The following PCDHB13 variants were observed in gnomAD, a reference collection of about 807,000 sequenced individuals.
The protein encoded by PCDHB13 is protocadherin beta 13, also known as protocadherin beta-13.
For missense variants in PCDHB13, 1,065 were observed against 1,016.7 expected (o/e 1.05, Z -0.65); for synonymous variants, 515 against 450.7 (o/e 1.14, Z -1.81).
Position 141,215,982 on chromosome 5 carries a change from A to G in PCDHB13, c.1859A>G (p.His620Arg). 1 of 1,607,216 alleles carries G rather than the reference A, an allele frequency of 6.2e-7. No individual in the cohort carries two copies. Among genetic ancestry groups the G allele is most frequent in the Non-Finnish European group, 8.5e-7 (1 of 1,179,550 alleles). The change falls in exon 1 of 1, where the codon CAC (histidine) becomes CGC (arginine). Residue 620 changes from histidine (H) to arginine (R), a missense_variant. Physicochemically the swap from His to Arg is conservative, Grantham distance 29 (BLOSUM62 0). Transcript: ENST00000341948. Reference protein sequence around the residue: ...TELGLFGVWAHNGEVRTARLL... With the variant: ...TELGLFGVWARNGEVRTARLL... Reference sequence around the variant, plus strand: ...CTCGGTCTGTTCGGCGTGTGGGCGCACAATGGCGAGGTGCGCACCGCCAGG... The same window carrying G: ...CTCGGTCTGTTCGGCGTGTGGGCGCGCAATGGCGAGGTGCGCACCGCCAGG...
Position 141,215,554 on chromosome 5 carries a change from C to CAG in PCDHB13, c.1435_1436dup (p.Asp479GlufsTer64). ...ACATCCGCAGCGTCAGCGCTACAGA[C>CAG]AGAGACTCAGGCACCAACGCCCAGG... On this transcript the variant is annotated frameshift_variant, in exon 1 of 1. Transcript: ENST00000341948. LOFTEE classifies it low-confidence loss of function (END_TRUNC). 1 of 1,613,768 alleles carries CAG rather than the reference C, an allele frequency of 6.2e-7. No individual in the cohort carries two copies. The highest frequency in any genetic ancestry group is 8.5e-7 in the Non-Finnish European group (1 of 1,179,974).
At position 141,218,717 on chromosome 5, in the gene PCDHB13, C is replaced by G. The variant is rs1449325251; in HGVS notation, c.*2197C>G. 1 of 158,362 alleles carries G rather than the reference C, an allele frequency of 6.3e-6. No homozygotes were observed. The highest frequency in any genetic ancestry group is 1.5e-5 in the Non-Finnish European group (1 of 68,228). 9.8% of individuals were successfully genotyped at this position (158,362 alleles called of 1,614,324 possible). Reference sequence around the variant, plus strand: ...TCTCGGCTCACTGCAAGCTCCGCCTCCTGGGTTCCCGCCATTCTCCTGCCT... The same window carrying G: ...TCTCGGCTCACTGCAAGCTCCGCCTGCTGGGTTCCCGCCATTCTCCTGCCT... On this transcript the variant is annotated 3_prime_UTR_variant, in exon 1 of 1. Coordinates refer to ENST00000341948, the MANE Select transcript of PCDHB13 (RefSeq NM_018933.4).
In PCDHB13 at chr5:141,214,553, T is replaced by G. The variant is rs1554287641; in HGVS notation, c.430T>G (p.Ser144Ala). The change falls in exon 1 of 1, where the codon TCA (serine) becomes GCA (alanine). Residue 144 changes from serine to alanine, a missense_variant. Physicochemically the swap from Ser to Ala is moderately conservative, Grantham distance 99. Coordinates refer to ENST00000341948, the MANE Select transcript of PCDHB13 (RefSeq NM_018933.4). Reference protein sequence around the residue: ...FLDKQMLVKVSESSPPGTTFP... With the variant: ...FLDKQMLVKVAESSPPGTTFP... Reference sequence around the variant, plus strand: ...GGACAAACAAATGTTGGTGAAAGTATCAGAGAGCAGTCCTCCTGGGACTAC... The same window carrying G: ...GGACAAACAAATGTTGGTGAAAGTAGCAGAGAGCAGTCCTCCTGGGACTAC... 1.9e-6 allele frequency: 3 copies of G among 1,614,084 alleles called. No individual in the cohort carries two copies. The highest frequency in any genetic ancestry group is 1.6e-4 in the Middle Eastern group (1 of 6,062).
In PCDHB13 at chr5:141,215,505, G is replaced by T; in HGVS notation, c.1382G>T (p.Arg461Leu). 6.2e-7 allele frequency: 1 copy of T among 1,614,030 alleles called. No homozygotes were observed. Among genetic ancestry groups the T allele is most frequent in the South Asian group, 1.1e-5 (1 of 91,076 alleles). Reference protein sequence around the residue: ...FTQTSYTLFVRENNSPALHIR... With the variant: ...FTQTSYTLFVLENNSPALHIR... Reference sequence around the variant, plus strand: ...CAAACCTCCTACACCCTGTTCGTCCGCGAGAACAACAGCCCCGCCCTGCAC... The same window carrying T: ...CAAACCTCCTACACCCTGTTCGTCCTCGAGAACAACAGCCCCGCCCTGCAC... Residue 461 changes from arginine (R) to leucine (L), a missense_variant, in exon 1 of 1, where the codon CGC becomes CTC. Arg to Leu is a moderately radical substitution (Grantham distance 102). Transcript: ENST00000341948.
At position 141,216,643 on chromosome 5, in the gene PCDHB13, C is replaced by A; in HGVS notation, c.*123C>A. 1 of 914,940 alleles carries A rather than the reference C, an allele frequency of 1.1e-6. No individual in the cohort carries two copies. The highest frequency in any genetic ancestry group is 1.8e-6 in the Non-Finnish European group (1 of 546,314). The allele number at this position is 914,940 out of a possible 1,614,324, so 56.7% of individuals were successfully genotyped here. A position where few individuals can be genotyped will look rare whatever the true frequency, so the allele number is the denominator to read the frequency against. ...ATTTACTCTTGATTTTTCTCATGTT[C>A]TTTCTCCCTTTGTTTTAAAGTGAAC... On this transcript the variant is annotated 3_prime_UTR_variant, in exon 1 of 1. Transcript: ENST00000341948.
Position 141,214,106 on chromosome 5 carries a change from C to A in PCDHB13, c.-18C>A. 6.2e-7 allele frequency: 1 copy of A among 1,614,156 alleles called. No homozygotes were observed. The highest frequency in any genetic ancestry group is 8.5e-7 in the Non-Finnish European group (1 of 1,180,020). On this transcript the variant is annotated 5_prime_UTR_variant, in exon 1 of 1. The change creates a new upstream start codon in the 5' untranslated region. Coordinates refer to ENST00000341948, the MANE Select transcript of PCDHB13 (RefSeq NM_018933.4). ...CCCACAGAACCGTCCTCCCAGGAAG[C>A]TGAATCCAGCAAGAACAATGGAGGC...
rs1554287994 is a variant in PCDHB13 at position 141,215,715 on chromosome 5, T to C, written c.1592T>C (p.Val531Ala). Residue 531 changes from valine to alanine, a missense_variant, in exon 1 of 1, where the codon GTG becomes GCG. Val to Ala is a moderately conservative substitution (Grantham distance 64). Coordinates refer to ENST00000341948, the MANE Select transcript of PCDHB13 (RefSeq NM_018933.4). ...GCCCTGCAGGGGTTCCAGTTCCGCG[T>C]GGGCGCTTCAGACCACGGCTCCCCG... Reference protein sequence around the residue: ...YEALQGFQFRVGASDHGSPAL... With the variant: ...YEALQGFQFRAGASDHGSPAL... The C allele has an allele frequency of 6.2e-7, 1 of 1,612,612 alleles. No individual in the cohort carries two copies. Among genetic ancestry groups the C allele is most frequent in the South Asian group, 1.1e-5 (1 of 91,008 alleles).
chr5:141,216,770 C>T lies in PCDHB13; in HGVS notation c.*250C>T. ...GCCTCCCTAAAGAGCAATACCAAATCACATTTTTTTCATGCCCCTATCTTT... is the reference window on the plus strand; with the variant it reads ...GCCTCCCTAAAGAGCAATACCAAATTACATTTTTTTCATGCCCCTATCTTT... On this transcript the variant is annotated 3_prime_UTR_variant, in exon 1 of 1. Coordinates refer to ENST00000341948, the MANE Select transcript of PCDHB13 (RefSeq NM_018933.4). The T allele has an allele frequency of 1.8e-6, 1 of 549,770 alleles. No homozygotes were observed. Among genetic ancestry groups the T allele is most frequent in the Non-Finnish European group, 3.3e-6 (1 of 298,568 alleles). 34.1% of individuals were successfully genotyped at this position (549,770 alleles called of 1,614,324 possible).
chr5:141,215,089 A>ATCC lies in PCDHB13; in HGVS notation c.966_967insTCC (p.Ala322_Arg323insSer). On this transcript the variant is annotated inframe_insertion, in exon 1 of 1. Transcript: ENST00000341948. ...AGTCCTATGAAGTCAATATTGAGGC[A>ATCC]AGAGATGCTGGAACCTTTTCTGGAA... 1 of 1,614,186 alleles carries ATCC rather than the reference A, an allele frequency of 6.2e-7. No homozygotes were observed. The highest frequency in any genetic ancestry group is 8.5e-7 in the Non-Finnish European group (1 of 1,180,024).
chr5:141,216,803 C>T lies in PCDHB13; in HGVS notation c.*283C>T. 1 of 472,960 alleles carries T rather than the reference C, an allele frequency of 2.1e-6. No individual in the cohort carries two copies. Among genetic ancestry groups the T allele is most frequent in the South Asian group, 2.1e-5 (1 of 47,118 alleles). 29.3% of individuals were successfully genotyped at this position (472,960 alleles called of 1,614,324 possible). A position where few individuals can be genotyped will look rare whatever the true frequency, so the allele number is the denominator to read the frequency against. On this transcript the variant is annotated 3_prime_UTR_variant, in exon 1 of 1. Transcript: ENST00000341948. ...TTTCATGCCCCTATCTTTAGCTGAA[C>T]TTCACCCACTATTATGCTTATGGTA...
rs1754579299 is a variant in PCDHB13 at position 141,215,608 on chromosome 5, C to T, written c.1485C>T (p.Asp495=). 2.5e-6 allele frequency: 4 copies of T among 1,613,470 alleles called. No individual in the cohort carries two copies. The East Asian group carries it at 6.7e-5, about 27-fold the overall frequency. ...QVTYSLLPPQ[D]PHLPLTSLVS... is the part of the protein sequence containing the mutation. ...CCTACTCGCTGCTGCCGCCCCAGGA[C>T]CCGCACCTGCCCCTCACATCCCTGG... Residue 495 remains aspartate (D), a synonymous_variant, in exon 1 of 1, where the codon GAC becomes GAT. Transcript: ENST00000341948.
At position 141,214,111 on chromosome 5, in the gene PCDHB13, T is replaced by G; in HGVS notation, c.-13T>G. On this transcript the variant is annotated 5_prime_UTR_variant, in exon 1 of 1. Coordinates refer to ENST00000341948, the MANE Select transcript of PCDHB13 (RefSeq NM_018933.4). Reference sequence around the variant, plus strand: ...AGAACCGTCCTCCCAGGAAGCTGAATCCAGCAAGAACAATGGAGGCCAGCG... The same window carrying G: ...AGAACCGTCCTCCCAGGAAGCTGAAGCCAGCAAGAACAATGGAGGCCAGCG... 1.2e-6 allele frequency: 2 copies of G among 1,614,154 alleles called. No individual in the cohort carries two copies. The highest frequency in any genetic ancestry group is 3.3e-5 in the Admixed American group (2 of 60,020).
chr5:141,215,423 C>T lies in PCDHB13; in HGVS notation c.1300C>T (p.Gln434Ter), dbSNP rs782055332. The T allele has an allele frequency of 1.2e-6, 2 of 1,614,186 alleles. No homozygotes were observed. Residue 434 changes from glutamine (Q) to a stop codon, truncating the protein, a stop_gained, in exon 1 of 1, where the codon CAG becomes TAG. Coordinates refer to ENST00000341948, the MANE Select transcript of PCDHB13 (RefSeq NM_018933.4). LOFTEE classifies it low-confidence loss of function (END_TRUNC). ...TDLGTPMLIT[Q>*]LNMTVLIADV... The stretch of plus-strand genomic sequence containing the variant: ...CTTGGGGACCCCTATGCTGATAACA[C>T]AGCTCAATATGACCGTGCTGATCGC...
In PCDHB13 at chr5:141,217,651, G is replaced by T. The variant is rs553903925; in HGVS notation, c.*1131G>T. On this transcript the variant is annotated 3_prime_UTR_variant, in exon 1 of 1. Transcript: ENST00000341948. ...ATTTTAAAAAAATTTTCAAAGCATT[G>T]TAGGGGAGTAGCTTTGTCTCATGTT... is the stretch of plus-strand genomic sequence containing the variant. The T allele has an allele frequency of 6.0e-6, 1 of 167,036 alleles. No individual in the cohort carries two copies. Among genetic ancestry groups the T allele is most frequent in the Non-Finnish European group, 1.5e-5 (1 of 68,102 alleles). 10.3% of individuals were successfully genotyped at this position (167,036 alleles called of 1,614,324 possible).
Position 141,218,512 on chromosome 5 carries a change from CA to C in PCDHB13, c.*1993del, listed in dbSNP as rs1754663613. 1 of 154,570 alleles carries C rather than the reference CA, an allele frequency of 6.5e-6. No homozygotes were observed. Among genetic ancestry groups the C allele is most frequent in the Admixed American group, 6.5e-5 (1 of 15,284 alleles). 9.6% of individuals were successfully genotyped at this position (154,570 alleles called of 1,614,324 possible). ...GGAGTGCAGTGGTGCAATCATAGCT[CA>C]CTGAAGCCTTGACCTCCTGGGCTCA... On this transcript the variant is annotated 3_prime_UTR_variant, in exon 1 of 1. Coordinates refer to ENST00000341948, the MANE Select transcript of PCDHB13 (RefSeq NM_018933.4).
rs1754558369 is a variant in PCDHB13, at chr5:141,215,122, C to T, written c.999C>T (p.Thr333=). 6.2e-7 allele frequency: 1 copy of T among 1,614,042 alleles called. No individual in the cohort carries two copies. The highest frequency in any genetic ancestry group is 1.3e-5 in the African/African-American group (1 of 74,964). The part of the protein sequence containing the change: ...RDAGTFSGKC[T]VLIQVIDVND... ...CTGGAACCTTTTCTGGAAAATGCAC[C>T]GTTCTGATTCAAGTGATAGATGTGA... is the stretch of plus-strand genomic sequence containing the variant. Residue 333 remains threonine (T), a synonymous_variant, in exon 1 of 1, where the codon ACC becomes ACT. Transcript: ENST00000341948.
In PCDHB13 at chr5:141,214,891, T is replaced by C; in HGVS notation, c.768T>C (p.Ser256=). 9 of 1,614,016 alleles carry C rather than the reference T, an allele frequency of 5.6e-6. No homozygotes were observed. The highest frequency in any genetic ancestry group is 7.6e-6 in the Non-Finnish European group (9 of 1,179,970). Residue 256 remains serine (S), a synonymous_variant, in exon 1 of 1, where the codon AGT becomes AGC. Coordinates refer to ENST00000341948, the MANE Select transcript of PCDHB13 (RefSeq NM_018933.4). The part of the protein sequence containing the change: ...PFYRVQISED[S]PVGFLVVKVS... Reference sequence around the variant, plus strand: ...ATAGAGTGCAGATCTCTGAGGACAGTCCGGTAGGCTTCCTGGTTGTGAAGG... The same window carrying C: ...ATAGAGTGCAGATCTCTGAGGACAGCCCGGTAGGCTTCCTGGTTGTGAAGG...
In PCDHB13 at chr5:141,216,167, C is replaced by T. The variant is rs550938735; in HGVS notation, c.2044C>T (p.Gln682Ter). ...CCCGGAGGCGGCCCCGACCCAGGCC[C>T]AGGCCGACTTGCTCACCGTCTACCT... ...PLPEAAPTQA[Q>*]ADLLTVYLVV... The change falls in exon 1 of 1, where the codon CAG becomes TAG. Residue 682 changes from glutamine (Q) to a stop codon, truncating the protein, a stop_gained. Transcript: ENST00000341948. LOFTEE classifies it low-confidence loss of function (END_TRUNC). 28 of 1,612,258 alleles carry T rather than the reference C, an allele frequency of 1.7e-5. No homozygotes were observed. In the East Asian group the frequency reaches 1.8e-4, roughly 10 times the overall value.
In PCDHB13 at chr5:141,215,614, C is replaced by G; in HGVS notation, c.1491C>G (p.His497Gln). 1.2e-6 allele frequency: 2 copies of G among 1,613,468 alleles called. No individual in the cohort carries two copies. The highest frequency in any genetic ancestry group is 1.7e-6 in the Non-Finnish European group (2 of 1,180,004). ...TYSLLPPQDP[H>Q]LPLTSLVSIN... ...CGCTGCTGCCGCCCCAGGACCCGCA[C>G]CTGCCCCTCACATCCCTGGTCTCCA... Residue 497 changes from histidine to glutamine, a missense_variant, in exon 1 of 1, where the codon CAC becomes CAG. Coordinates refer to ENST00000341948, the MANE Select transcript of PCDHB13 (RefSeq NM_018933.4).
Sources: gnomAD v4.1 joint callset for allele counts on GRCh38, gnomAD v4.1.1 for gene constraint, MANE v1.5 for transcripts, NCBI Gene and HGNC (gene_info 2026-07-23, HGNC 2026-07-21) for gene names.